Variants in RBL1 observed in about 807,000 individuals in gnomAD.
RBL1 encodes retinoblastoma-like protein 1.
RBL1 carries 82 observed loss-of-function variants against 123.0 expected under a neutral mutation model. That is an observed-to-expected ratio of 0.67 (90% CI 0.56 to 0.80). The LOEUF (loss-of-function observed/expected upper bound fraction) is 0.80. Ranked by LOEUF, RBL1 falls within the 30% of genes least tolerant of loss-of-function variation. The probability of loss-of-function intolerance (pLI) is 0.00; values close to 1 mark genes in which losing one functional copy is unlikely to be tolerated. For missense variants in RBL1, 1,171 were observed against 1,299.6 expected, an observed-to-expected ratio of 0.90 and a Z score of 1.52; for synonymous variants, 405 against 441.3, an observed-to-expected ratio of 0.92 and a Z score of 1.03.
chr20:37,059,443 T>G (rs1228612341), intron 9 of RBL1, among the ~76,000 whole-genome samples: 2 of 152,224 alleles, frequency 1.3e-5, no homozygotes, highest in Non-Finnish European at 2.9e-5. Context: ...TCTCCCCAAA[T>G]CATCATGGAA....
chr20:37,089,012 T>C lies in RBL1; in HGVS notation c.267A>G (p.Arg89=). ...IMEGNCVSLT[R]ILRSAKLSLI... ...ACCTTAATTTAGCTGAACGTAGTAT[T>C]CTGGTAAGTGAAACACAGTTGCCTT... The change falls in exon 2 of 22, where the codon AGA becomes AGG. Residue 89 remains arginine (R), a synonymous_variant. Transcript: ENST00000373664. 1.2e-6 allele frequency: 2 copies of C among 1,609,240 alleles called. No individual in the cohort carries two copies. The highest frequency in any genetic ancestry group is 1.7e-6 in the Non-Finnish European group (2 of 1,177,536).
chr20:37,026,620 C>T (rs1293831462), intron 16 of RBL1, among the ~76,000 whole-genome samples: 1 of 151,510 alleles, frequency 6.6e-6, no homozygotes, highest in Non-Finnish European at 1.5e-5. Flanking sequence ...AGGAGAATTG[C>T]TTGAACCCGG....
intron 8 of RBL1, 144 bp from the exon 9 acceptor site, chr20:37,061,413 T>C (rs915958583): frequency 2.5e-6 from 3 of 1,200,862 alleles, no homozygotes; most frequent in African/African-American, 1.6e-5. Flanking sequence ...AACATCCTTA[T>C]ATTTGAATAA....
At chr20:37,026,780 G>A (rs1272019130) in intron 16 of RBL1, among the ~76,000 whole-genome samples, 3 of 151,010 alleles carry the variant, frequency 2.0e-5, no homozygotes, top group Non-Finnish European at 4.4e-5. Flanking sequence ...CTGAGGTGGT[G>A]GATCACTAGG....
At chr20:37,010,426 T>C (rs2064132770) in intron 19 of RBL1, among the ~76,000 whole-genome samples, 1 of 152,190 alleles carries the variant, frequency 6.6e-6, no homozygotes, top group African/African-American at 2.4e-5. Flanking sequence ...TAGTTGTGTA[T>C]TGCATAATGA....
chr20:37,007,666 C>T, intron 19 of RBL1, 107 bp from the exon 20 acceptor site: 1 of 1,110,448 alleles, frequency 9.0e-7, no homozygotes. Context: ...AATCTTGGCT[C>T]ACTGCAGCCC....
chr20:37,007,416 G>C lies in RBL1; in HGVS notation c.2866C>G (p.His956Asp). 6.2e-7 allele frequency: 1 copy of C among 1,613,118 alleles called. No individual in the cohort carries two copies. Among genetic ancestry groups the C allele is most frequent in the South Asian group, 1.1e-5 (1 of 90,872 alleles). Residue 956 changes from histidine (H) to aspartate (D), a missense_variant, in exon 20 of 22, where the codon CAT becomes GAT. Coordinates refer to ENST00000373664, the MANE Select transcript of RBL1 (RefSeq NM_002895.5). ...TAGTAAAACATAGAACATACCATAT[G>C]GTCCTGATTCGCCAAGTCGTATTTC... ...ALKYDLANQD[H>D]MMDAPPLSPF... is the part of the protein sequence containing the mutation.
At chr20:37,007,015 G>T (rs1226999940) in intron 20 of RBL1, among the ~76,000 whole-genome samples, 1 of 151,988 alleles carries the variant, frequency 6.6e-6, no homozygotes, top group South Asian at 2.1e-4. Flanking sequence ...AGGAGGCTGA[G>T]GTGGGTAGAT....
intron 19 of RBL1, among the ~76,000 whole-genome samples, chr20:37,016,003 G>C (rs1249673984): frequency 2.7e-5 from 4 of 147,528 alleles, no homozygotes; most frequent in African/African-American, 1.0e-4. Flanking sequence ...TTACAGGCGT[G>C]AGCCACCGTG....
intron 9 of RBL1, 51 bp from the exon 10 acceptor site, chr20:37,056,309 CA>C: frequency 2.1e-6 from 3 of 1,449,260 alleles, no homozygotes. Context: ...AACAAACAAA[CA>C]AAAAAGACTC....
At chr20:37,059,435 T>TC (rs1218217917) in intron 9 of RBL1, among the ~76,000 whole-genome samples, 2 of 152,200 alleles carry the variant, frequency 1.3e-5, no homozygotes, top group African/African-American at 2.4e-5. Flanking sequence ...TGAGGATCTC[T>TC]CCCCAAATCA....
At chr20:37,091,565 C>A (rs1203195002) in intron 1 of RBL1, among the ~76,000 whole-genome samples, 1 of 150,886 alleles carries the variant, frequency 6.6e-6, no homozygotes, top group African/African-American at 2.4e-5. Flanking sequence ...ACCTGGGGAA[C>A]TGAGATGGGA....
Position 37,007,419 on chromosome 20 carries a change from C to A in RBL1, c.2863G>T (p.Asp955Tyr). 1.2e-6 allele frequency: 2 copies of A among 1,613,556 alleles called. No individual in the cohort carries two copies. The highest frequency in any genetic ancestry group is 2.2e-5 in the South Asian group (2 of 90,956). Residue 955 changes from aspartate (D) to tyrosine (Y), a missense_variant, in exon 20 of 22, where the codon GAC (aspartate) becomes TAC (tyrosine). Physicochemically the swap from Asp to Tyr is radical, Grantham distance 160. Transcript: ENST00000373664. The part of the protein sequence containing the change: ...FALKYDLANQ[D>Y]HMMDAPPLSP... ...TAAAACATAGAACATACCATATGGT[C>A]CTGATTCGCCAAGTCGTATTTCAGT...
In RBL1 at chr20:37,013,398, G is replaced by A. The variant is rs554078011; in HGVS notation, c.2722+4881C>T. Among the ~76,000 whole-genome samples the A allele has an allele frequency of 4.3e-3, 657 of 151,212 alleles. 17 individuals carry two copies. The highest frequency in any genetic ancestry group is 0.04 in the Admixed American group (598 of 15,134). On this transcript the variant is annotated intron_variant, in intron 19 of 21. Coordinates refer to ENST00000373664, the MANE Select transcript of RBL1 (RefSeq NM_002895.5). ...ACAGATGCTTGAAGGCAGCATGCTCGTTAAAAGTCATCACCACTCCCTAAT... is the reference window on the plus strand; with the variant it reads ...ACAGATGCTTGAAGGCAGCATGCTCATTAAAAGTCATCACCACTCCCTAAT...
In RBL1 at chr20:37,016,681, C is replaced by T. The variant is rs532611756; in HGVS notation, c.2722+1598G>A. Among the ~76,000 whole-genome samples, 51 of 152,154 alleles carry T rather than the reference C, an allele frequency of 3.4e-4. 1 individual carries two copies. Among genetic ancestry groups the T allele is most frequent in the South Asian group, 1.2e-3 (6 of 4,808 alleles). ...GTGGCTTACACCTGTCATCCCAGCA[C>T]TTTGGGAGGCCATGGTAGGGAGACT... On this transcript the variant is annotated intron_variant, in intron 19 of 21. Coordinates refer to ENST00000373664, the MANE Select transcript of RBL1 (RefSeq NM_002895.5).
rs7260768 is a variant in RBL1, at chr20:37,090,892, C to T, written c.157-1770G>A. Among the ~76,000 whole-genome samples the T allele has an allele frequency of 2.8e-3, 421 of 152,242 alleles. 2 individuals are homozygous for T. Among genetic ancestry groups the T allele is most frequent in the African/African-American group, 9.4e-3 (392 of 41,550 alleles). On this transcript the variant is annotated intron_variant, in intron 1 of 21. Coordinates refer to ENST00000373664, the MANE Select transcript of RBL1 (RefSeq NM_002895.5). ...ACTGACTGAAACATTCTGCAGCACACGACTGTAGTAAGCACGGCTCTTTAT... is the reference window on the plus strand; with the variant it reads ...ACTGACTGAAACATTCTGCAGCACATGACTGTAGTAAGCACGGCTCTTTAT...
rs1186678797 is a variant in RBL1, at chr20:37,035,345, A to G, written c.2067T>C (p.Ile689=). 6.2e-7 allele frequency: 1 copy of G among 1,614,126 alleles called. No homozygotes were observed. Among genetic ancestry groups the G allele is most frequent in the Non-Finnish European group, 8.5e-7 (1 of 1,179,992 alleles). ...TKLKIAPSSS[I]TAENVSILPG... ...GTAAAATTGATACATTTTCAGCAGT[A>G]ATGCTTGAAGAAGGAGCGATTTTCA... The change falls in exon 15 of 22, where the codon ATT becomes ATC. Residue 689 remains isoleucine (I), a synonymous_variant. Coordinates refer to ENST00000373664, the MANE Select transcript of RBL1 (RefSeq NM_002895.5).
chr20:37,061,244 G>A lies in RBL1; in HGVS notation c.1109C>T (p.Pro370Leu), dbSNP rs1415724337. The part of the protein sequence containing the change: ...EKKRSFAPST[P>L]LTGRRYLREK... ...TCGTAAATATCTCCGTCCGGTCAGT[G>A]GGGTAGAAGGTGCAAATGACCTTTT... The change falls in exon 9 of 22, where the codon CCA (proline) becomes CTA (leucine). Residue 370 changes from proline to leucine, a missense_variant. Physicochemically the swap from Pro to Leu is moderately conservative, Grantham distance 98. Transcript: ENST00000373664. The A allele has an allele frequency of 6.2e-7, 1 of 1,610,544 alleles. No individual in the cohort carries two copies. Among genetic ancestry groups the A allele is most frequent in the Non-Finnish European group, 8.5e-7 (1 of 1,178,912 alleles).
At chr20:37,043,175 C>T (rs905375294) in intron 13 of RBL1, among the ~76,000 whole-genome samples, 1 of 151,222 alleles carries the variant, frequency 6.6e-6, no homozygotes, top group African/African-American at 2.4e-5. Flanking sequence ...CACACACACA[C>T]ACACACACAC....
Sources: gnomAD v4.1 joint callset for allele counts (sites outside exome capture counted in the v4.1 genomes callset) on GRCh38, gnomAD v4.1.1 for gene constraint, MANE v1.5 for transcripts, NCBI Gene and HGNC (gene_info 2026-07-23, HGNC 2026-07-21) for gene names.